The following GSN variants were observed in gnomAD, a reference collection of about 807,000 sequenced individuals.
The protein encoded by GSN is actin-depolymerizing factor.
Under a neutral mutation model 85.7 loss-of-function variants are expected in GSN, and 56 were observed. That is an observed-to-expected ratio of 0.65 (90% CI 0.53 to 0.82). The LOEUF (loss-of-function observed/expected upper bound fraction) is 0.82, where lower values mean the gene tolerates loss of function less well. Ranked by LOEUF, GSN falls within the 40% of genes least tolerant of loss-of-function variation. GSN has a pLI of 0.00. For missense variants in GSN, 857 were observed against 979.8 expected, an observed-to-expected ratio of 0.87 and a Z score of 1.67; for synonymous variants, 373 against 399.1, an observed-to-expected ratio of 0.93 and a Z score of 0.78.
intron 13 of GSN, chr9:121,327,065 A>T (rs1365506750): frequency 1.5e-6 from 1 of 684,936 alleles, no homozygotes; most frequent in Admixed American, 2.0e-5. Context: ...TGTTCTGGGC[A>T]TTCAACTTCT....
rs1193081395 is a variant in GSN, at chr9:121,332,732, T to C, written c.*129T>C. 1 of 700,234 alleles carries C rather than the reference T, an allele frequency of 1.4e-6. No homozygotes were observed. Among genetic ancestry groups the C allele is most frequent in the African/African-American group, 1.8e-5 (1 of 55,474 alleles). The allele number at this position is 700,234 out of a possible 1,614,324, so 43.4% of individuals were successfully genotyped here. On this transcript the variant is annotated 3_prime_UTR_variant, in exon 18 of 18. Coordinates refer to ENST00000432226, the MANE Select transcript of GSN (RefSeq NM_198252.3). The surrounding 1 kb of genome is among the most constrained non-coding windows in gnomAD (Gnocchi z 4.8). Reference sequence around the variant, plus strand: ...TGTGTGTGTGTGTTGTTTCTTTTTTTTTTTTTTACAGTATCCAAAAATAGC... The same window carrying C: ...TGTGTGTGTGTGTTGTTTCTTTTTTCTTTTTTTACAGTATCCAAAAATAGC...
At position 121,236,793 on chromosome 9, in the gene GSN, C is replaced by A. The variant is rs75945455; in HGVS notation, c.-389+5490C>A. The stretch of plus-strand genomic sequence containing the variant: ...CTTCTAAGTGCCACCACCTGTGCCA[C>A]AACATTACCCTGAAAAGGCAGAGGT... On this transcript the variant is annotated intron_variant, in intron 5 of 24. Transcript: ENST00000373823. Among the ~76,000 whole-genome samples the A allele has an allele frequency of 1.1e-4, 17 of 152,286 alleles. No homozygotes were observed. The East Asian group carries it at 3.1e-3, about 28-fold the overall frequency.
intron 4 of GSN, among the ~76,000 whole-genome samples, chr9:121,305,662 G>T (rs186193487): frequency 2.0e-5 from 3 of 152,246 alleles, no homozygotes; most frequent in Admixed American, 6.5e-5. Flanking sequence ...GCCCCCCGAT[G>T]ATTTTCCAGG....
chr9:121,257,910 G>A (rs560011222), intron 6 of GSN, among the ~76,000 whole-genome samples: 1 of 152,204 alleles, frequency 6.6e-6, no homozygotes, highest in Non-Finnish European at 1.5e-5. Context: ...AAAAGCCAGA[G>A]GCTCAGGAGG....
intron 6 of GSN, among the ~76,000 whole-genome samples, chr9:121,260,252 G>A (rs1459672391): frequency 1.3e-5 from 2 of 152,206 alleles, no homozygotes; most frequent in African/African-American, 2.4e-5. Flanking sequence ...ACCCCTTCTC[G>A]CTGGGACTGC....
At chr9:121,254,839 C>T (rs1466062312) in intron 6 of GSN, among the ~76,000 whole-genome samples, 1 of 152,198 alleles carries the variant, frequency 6.6e-6, no homozygotes, top group East Asian at 1.9e-4. Flanking sequence ...CTGCCAGCTA[C>T]CTAGTATTCT....
chr9:121,240,354 G>T (rs1554776872), intron 5 of GSN, among the ~76,000 whole-genome samples: 2 of 152,186 alleles, frequency 1.3e-5, no homozygotes, highest in Non-Finnish European at 2.9e-5. Context: ...AACAAAGTCT[G>T]CTGTCTGCAA....
At chr9:121,317,543 TGG>T in intron 8 of GSN, 1 of 360,900 alleles carries the variant, frequency 2.8e-6, no homozygotes, top group Non-Finnish European at 5.3e-6. Flanking sequence ...GATAAATTCA[TGG>T]GCAACAGTGG....
intron 4 of GSN, among the ~76,000 whole-genome samples, chr9:121,216,329 AG>A (rs1564335172): frequency 6.6e-6 from 1 of 152,208 alleles, no homozygotes; most frequent in East Asian, 1.9e-4. Flanking sequence ...TCCCATGCTT[AG>A]TAACCCTCCA....
chr9:121,315,009 C>T (rs10760173), intron 7 of GSN, among the ~76,000 whole-genome samples: 64,250 of 152,042 alleles, frequency 0.42, 14,609 homozygotes, highest in East Asian at 0.74. Context: ...TACAGATGTA[C>T]GCCACCACGC....
intron 5 of GSN, among the ~76,000 whole-genome samples, chr9:121,244,535 C>T (rs547317709): frequency 6.6e-6 from 1 of 152,254 alleles, no homozygotes; most frequent in African/African-American, 2.4e-5. Flanking sequence ...TTAATTTTAG[C>T]CATTCTGAGA....
chr9:121,322,348 G>A (rs763740700), intron 11 of GSN, among the ~76,000 whole-genome samples: 2 of 152,192 alleles, frequency 1.3e-5, no homozygotes, highest in Non-Finnish European at 1.5e-5. Context: ...GATCAATAAT[G>A]TCAGTACATA....
intron 6 of GSN, among the ~76,000 whole-genome samples, chr9:121,258,009 T>G (rs1315690704): frequency 6.6e-6 from 1 of 152,166 alleles, no homozygotes; most frequent in Non-Finnish European, 1.5e-5. Context: ...AAAATGATAG[T>G]CTATAATTGC....
chr9:121,321,385 C>A lies in GSN; in HGVS notation c.1309C>A (p.Gln437Lys), dbSNP rs1405855644. 6.8e-6 allele frequency: 11 copies of A among 1,613,958 alleles called. No individual in the cohort carries two copies. The highest frequency in any genetic ancestry group is 9.3e-6 in the Non-Finnish European group (11 of 1,179,970). The change falls in exon 11 of 18, where the codon CAG (glutamine) becomes AAG (lysine). Residue 437 changes from glutamine (Q) to lysine (K), a missense_variant. Coordinates refer to ENST00000432226, the MANE Select transcript of GSN (RefSeq NM_198252.3). ...YNYRHGGRQGQIIYNWQGAQS... is the reference protein window; with the variant it reads ...YNYRHGGRQGKIIYNWQGAQS... ...CTACCGCCATGGTGGCCGCCAGGGG[C>A]AGATAATCTATAACTGGTGAGGTTC...
chr9:121,208,574 A>T (rs929435274), intron 1 of GSN, among the ~76,000 whole-genome samples: 1 of 152,240 alleles, frequency 6.6e-6, no homozygotes, highest in Non-Finnish European at 1.5e-5. Flanking sequence ...ATCATGGCTC[A>T]AAATACTTAC....
chr9:121,219,543 TGAGA>T (rs2054128968), intron 4 of GSN, among the ~76,000 whole-genome samples: 1 of 152,196 alleles, frequency 6.6e-6, no homozygotes, highest in African/African-American at 2.4e-5. Context: ...AGCTAGGGGC[TGAGA>T]AGACCCTGAA....
rs572634577 is a variant in GSN at position 121,329,240 on chromosome 9, C to T, written c.1890C>T (p.Ile630=). The T allele has an allele frequency of 2.3e-5, 37 of 1,608,376 alleles. No homozygotes were observed. The highest frequency in any genetic ancestry group is 1.6e-4 in the East Asian group (7 of 44,840). ...GATGCTCTTTCGTTCCTTCCCAGAT[C>T]GAAGAGGTTCCTGGTGAGCTCATGC... ...ACSNKIGRFV[I]EEVPGELMQE... is the part of the protein sequence containing the mutation. The change falls in exon 16 of 18, where the codon ATC becomes ATT. Residue 630 remains isoleucine, a splice_region_variant and synonymous_variant. Coordinates refer to ENST00000432226, the MANE Select transcript of GSN (RefSeq NM_198252.3). This position sits in a 1 kb window ranked among gnomAD's most constrained non-coding sequence, Gnocchi z 4.6.
At chr9:121,228,422 ATATTTTTTTTT>A (rs1485594194) in intron 4 of GSN, among the ~76,000 whole-genome samples, 34 of 58,184 alleles carry the variant, frequency 5.8e-4, no homozygotes, top group African/African-American at 3.3e-3. Flanking sequence ...ATATATATAT[ATATTTTTTTTT>A]TTTTTTTTTT....
Position 121,318,275 on chromosome 9 carries a change from C to A in GSN, c.887-131C>A. The A allele has an allele frequency of 1.2e-6, 1 of 801,834 alleles. No individual in the cohort carries two copies. The highest frequency in any genetic ancestry group is 1.4e-5 in the South Asian group (1 of 72,268). The allele number at this position is 801,834 out of a possible 1,614,324, so 49.7% of individuals were successfully genotyped here. A position where few individuals can be genotyped will look rare whatever the true frequency, so the allele number is the denominator to read the frequency against. On this transcript the variant is annotated intron_variant, in intron 8 of 17. Coordinates refer to ENST00000432226, the MANE Select transcript of GSN (RefSeq NM_198252.3). This position sits in a 1 kb window ranked among gnomAD's most constrained non-coding sequence, Gnocchi z 4.3. The stretch of plus-strand genomic sequence containing the variant: ...AGTGGTCGGCTCTGGGGGTCTCTGG[C>A]CTTGGCTGTCCACAGTCTAAGAAGA...
Sources: gnomAD v4.1 joint callset for allele counts (sites outside exome capture counted in the v4.1 genomes callset) on GRCh38, gnomAD v4.1.1 for gene constraint, Gnocchi (gnomAD v3.1) non-coding constraint, MANE v1.5 for transcripts, NCBI Gene and HGNC (gene_info 2026-07-23, HGNC 2026-07-21) for gene names.